MYBL2: variants seen among roughly 807,000 people sequenced by gnomAD.
MYBL2 encodes myb-related protein B.
MYBL2 carries 28 observed loss-of-function variants against 79.9 expected under a neutral mutation model. The observed-to-expected ratio is 0.35, with a 90% confidence interval of 0.26 to 0.48. MYBL2 has a LOEUF of 0.48. MYBL2 is among the 20% of genes least tolerant of loss of function. The probability of loss-of-function intolerance (pLI) is 0.99; values close to 1 mark genes in which losing one functional copy is unlikely to be tolerated. For synonymous variants in MYBL2, 378 were observed against 361.2 expected, an observed-to-expected ratio of 1.05 and a Z score of -0.53; for missense variants, 735 against 893.9, an observed-to-expected ratio of 0.82 and a Z score of 2.27.
intron 5 of MYBL2, among the ~76,000 whole-genome samples, chr20:43,689,596 A>G (rs1987358000): frequency 6.6e-6 from 1 of 151,770 alleles, no homozygotes; most frequent in African/African-American, 2.4e-5. Flanking sequence ...TGGGGGTGCT[A>G]TTTCTTCAGA....
chr20:43,683,931 A>G (rs1008304441), intron 4 of MYBL2, among the ~76,000 whole-genome samples: 2 of 151,696 alleles, frequency 1.3e-5, no homozygotes, highest in African/African-American at 4.8e-5. Context: ...GTGTTGGCTA[A>G]TTTTTTTGAT....
At chr20:43,697,131 C>T (rs775505676) in intron 6 of MYBL2, among the ~76,000 whole-genome samples, 1 of 152,136 alleles carries the variant, frequency 6.6e-6, no homozygotes, top group Admixed American at 6.6e-5. Flanking sequence ...TTTAATCCTG[C>T]TATAGGTGGT....
intron 13 of MYBL2, 97 bp downstream of exon 13, chr20:43,715,380 T>G: frequency 6.4e-7 from 1 of 1,564,138 alleles, no homozygotes; most frequent in South Asian, 1.2e-5. Flanking sequence ...AGTGCCCGCC[T>G]TCTTAGCTCA....
chr20:43,698,351 ATTTTTTTTTTTTTTTTTTTTTTTTT>A lies in MYBL2; in HGVS notation c.664-1386_664-1362del, dbSNP rs71193701. On this transcript the variant is annotated intron_variant, in intron 6 of 13. Coordinates refer to ENST00000217026, the MANE Select transcript of MYBL2 (RefSeq NM_002466.4). ...AGGTGTGAGCCACCACGCCCCGCAT[ATTTTTTTTTTTTTTTTTTTTTTTTT>A]TTTTTTTTTTTTTTTTTTTGAGACA... 2.4e-3 allele frequency among the ~76,000 whole-genome samples: 119 copies of A among 49,090 alleles called. 2 individuals are homozygous for A. Among genetic ancestry groups the A allele is most frequent in the Middle Eastern group, 0.016 (1 of 62 alleles). The allele number at this position is 49,090 out of a possible 152,430, so 32.2% of individuals were successfully genotyped here.
chr20:43,706,717 A>AGTTTTTTTTTTTT (rs553045264), intron 9 of MYBL2, among the ~76,000 whole-genome samples: 1 of 95,286 alleles, frequency 1.0e-5, no homozygotes, highest in African/African-American at 4.8e-5. Flanking sequence ...AAAAAAAAAA[A>AGTTTTTTTTTTTT]AGTTTTTTTT....
rs533911234 is a variant in MYBL2 at position 43,667,297 on chromosome 20, C to A, written c.14C>A (p.Thr5Lys). The change falls in exon 1 of 14, where the codon ACG (threonine) becomes AAG (lysine). Residue 5 changes from threonine (T) to lysine (K), a missense_variant. Coordinates refer to ENST00000217026, the MANE Select transcript of MYBL2 (RefSeq NM_002466.4). ...CGGGCCGGGGGGATGTCTCGGCGGA[C>A]GCGCTGGTGAGACGAGCCGGGAGGG... MSRR[T>K]RCEDLDELHY... The A allele has an allele frequency of 3.0e-5, 37 of 1,228,968 alleles. No individual in the cohort carries two copies. The African/African-American group carries it at 4.4e-4, about 14-fold the overall frequency. The allele number at this position is 1,228,968 out of a possible 1,614,324, so 76.1% of individuals were successfully genotyped here. A position where few individuals can be genotyped will look rare whatever the true frequency, so the allele number is the denominator to read the frequency against.
At chr20:43,674,694 T>C (rs1207923097) in intron 2 of MYBL2, among the ~76,000 whole-genome samples, 1 of 150,626 alleles carries the variant, frequency 6.6e-6, no homozygotes, top group Non-Finnish European at 1.5e-5. Context: ...GCACCCGGCC[T>C]TAATTTTTGT....
intron 2 of MYBL2, among the ~76,000 whole-genome samples, chr20:43,676,820 T>C (rs1425024438): frequency 6.6e-6 from 1 of 151,948 alleles, no homozygotes; most frequent in Non-Finnish European, 1.5e-5. Context: ...GTGTTTTTTG[T>C]TTTGTTTTGT....
At position 43,715,946 on chromosome 20, in the gene MYBL2, T is replaced by C. The variant is rs1469799422; in HGVS notation, c.1975-13T>C. ...GTCCCTGCCTGGATGGTAACCCTCT[T>C]GCCTCCTCCCAGATGTCCAGTGCCT... On this transcript the variant is annotated splice_polypyrimidine_tract_variant and intron_variant, in intron 13 of 13. Transcript: ENST00000217026. 6.2e-7 allele frequency: 1 copy of C among 1,606,496 alleles called. No homozygotes were observed. The highest frequency in any genetic ancestry group is 1.3e-5 in the African/African-American group (1 of 74,570).
At chr20:43,680,584 G>A (rs947783269) in intron 2 of MYBL2, among the ~76,000 whole-genome samples, 13 of 151,852 alleles carry the variant, frequency 8.6e-5, no homozygotes, top group African/African-American at 2.9e-4. Context: ...TGCAACCTCC[G>A]CCTCCCAGGT....
Position 43,667,169 on chromosome 20 carries a change from G to C in MYBL2, c.-115G>C, listed in dbSNP as rs2145701204. 2 of 635,920 alleles carry C rather than the reference G, an allele frequency of 3.1e-6. No individual in the cohort carries two copies. Among genetic ancestry groups the C allele is most frequent in the Non-Finnish European group, 4.2e-6 (2 of 472,774 alleles). The allele number at this position is 635,920 out of a possible 1,614,324, so 39.4% of individuals were successfully genotyped here. A position where few individuals can be genotyped will look rare whatever the true frequency, so the allele number is the denominator to read the frequency against. On this transcript the variant is annotated 5_prime_UTR_variant, in exon 1 of 14. Transcript: ENST00000217026. The stretch of plus-strand genomic sequence containing the variant: ...GACCTGCTGACACGCTGACGCCTTC[G>C]AGCGCGGCCCGGGGCCCGGAGCGGC...
chr20:43,705,338 C>T lies in MYBL2; in HGVS notation c.1485C>T (p.Pro495=). ...CACCACTGCACCGGGACAAGACACC[C>T]CTGCACCAGAAACATGCTGCGTGAG... ...VTTPLHRDKT[P]LHQKHAAFVT... The change falls in exon 9 of 14, where the codon CCC becomes CCT. Residue 495 remains proline, a synonymous_variant. Coordinates refer to ENST00000217026, the MANE Select transcript of MYBL2 (RefSeq NM_002466.4). The T allele has an allele frequency of 6.2e-7, 1 of 1,612,676 alleles. No homozygotes were observed. Among genetic ancestry groups the T allele is most frequent in the Non-Finnish European group, 8.5e-7 (1 of 1,179,406 alleles).
chr20:43,694,431 A>G (rs904614442), intron 6 of MYBL2, among the ~76,000 whole-genome samples: 1 of 152,132 alleles, frequency 6.6e-6, no homozygotes, highest in Non-Finnish European at 1.5e-5. Context: ...GTAGGTAACA[A>G]TTGTCCTTTG....
At chr20:43,697,937 G>T in intron 6 of MYBL2, among the ~76,000 whole-genome samples, 1 of 149,932 alleles carries the variant, frequency 6.7e-6, no homozygotes, top group African/African-American at 2.5e-5. Flanking sequence ...AAAAAATTGC[G>T]TGTATTTATG....
At chr20:43,710,535 A>T (rs1349799638) in intron 10 of MYBL2, among the ~76,000 whole-genome samples, 2 of 151,912 alleles carry the variant, frequency 1.3e-5, no homozygotes, top group African/African-American at 4.8e-5. Context: ...AGTTGATGGG[A>T]TGGTTGTGTT....
intron 9 of MYBL2, among the ~76,000 whole-genome samples, chr20:43,707,586 G>T (rs1987818598): frequency 6.6e-6 from 1 of 151,960 alleles, no homozygotes. Context: ...TAGAGATGGG[G>T]TTTCGCCATA....
At chr20:43,706,307 C>T (rs937657014) in intron 9 of MYBL2, among the ~76,000 whole-genome samples, 4 of 152,170 alleles carry the variant, frequency 2.6e-5, no homozygotes, top group Non-Finnish European at 4.4e-5. Flanking sequence ...TCTGAGCTTA[C>T]GGAGCATGAC....
intron 12 of MYBL2, among the ~76,000 whole-genome samples, chr20:43,713,369 T>TC (rs1456892205): frequency 6.6e-6 from 1 of 151,854 alleles, no homozygotes; most frequent in African/African-American, 2.4e-5. Flanking sequence ...CCAGAGAGGG[T>TC]CAGTGATGTG....
rs746800992 is a variant in MYBL2 at position 43,715,152 on chromosome 20, A to G, written c.1843A>G (p.Asn615Asp). Reference sequence around the variant, plus strand: ...GTTTCAGCCGACAACTGCCCCTTCAAACTCTTCCAGCCTCACCCTGTCAGG... The same window carrying G: ...GTTTCAGCCGACAACTGCCCCTTCAGACTCTTCCAGCCTCACCCTGTCAGG... ...SLSLPTTAPS[N>D]SSSLTLSGIK... is the part of the protein sequence containing the mutation. Residue 615 changes from asparagine (N) to aspartate (D), a missense_variant, in exon 13 of 14, where the codon AAC becomes GAC. Physicochemically the swap from Asn to Asp is conservative, Grantham distance 23. Around this residue, in one of 5 missense-constraint regions of MYBL2, gnomAD observed 204 missense variants for 202.9 expected, o/e 1.01. Coordinates refer to ENST00000217026, the MANE Select transcript of MYBL2 (RefSeq NM_002466.4). 5 of 1,614,006 alleles carry G rather than the reference A, an allele frequency of 3.1e-6. No individual in the cohort carries two copies. The highest frequency in any genetic ancestry group is 1.6e-4 in the Middle Eastern group (1 of 6,084).
Sources: gnomAD v4.1 joint callset for allele counts (sites outside exome capture counted in the v4.1 genomes callset) on GRCh38, gnomAD v4.1.1 for gene constraint, gnomAD v4.1.1 regional missense constraint, MANE v1.5 for transcripts, NCBI Gene and HGNC (gene_info 2026-07-23, HGNC 2026-07-21) for gene names.